Variants in REDIC1 observed in about 807,000 individuals in gnomAD.
The protein encoded by REDIC1 is HEI10 Interacting Protein 1.
At chr12:39,649,832 A>G in the REDIC1 span, among the ~76,000 whole-genome samples, 1 of 152,032 alleles carries the variant, frequency 6.6e-6, no homozygotes, top group Non-Finnish European at 1.5e-5. Flanking sequence ...TAAAGTAGCA[A>G]TCTAAAGTTA....
At chr12:39,819,292 A>T in the REDIC1 span, among the ~76,000 whole-genome samples, 1 of 152,016 alleles carries the variant, frequency 6.6e-6, no homozygotes, top group East Asian at 1.9e-4. Flanking sequence ...CGTTTGGAGA[A>T]TTTTTTTTCT....
At chr12:39,662,879 A>G in the REDIC1 span, among the ~76,000 whole-genome samples, 3 of 152,106 alleles carry the variant, frequency 2.0e-5, no homozygotes, top group Non-Finnish European at 4.4e-5. Context: ...ATTAATTGGT[A>G]GGATAATATG....
the REDIC1 span, among the ~76,000 whole-genome samples, chr12:39,658,652 TC>T: frequency 3.9e-5 from 6 of 152,218 alleles, no homozygotes; most frequent in Non-Finnish European, 8.8e-5. Context: ...ATTTTGTCCA[TC>T]CCTTTGCCTC....
chr12:39,702,613 C>T, the REDIC1 span, among the ~76,000 whole-genome samples: 26 of 152,144 alleles, frequency 1.7e-4, no homozygotes, highest in African/African-American at 5.3e-4. Flanking sequence ...ATACCAAAGC[C>T]GGGCAGAGAC....
the REDIC1 span, among the ~76,000 whole-genome samples, chr12:39,714,397 G>GTATA: frequency 2.7e-5 from 1 of 36,372 alleles, no homozygotes; most frequent in Non-Finnish European, 1.1e-4. Context: ...ATGTATATAT[G>GTATA]TATATATATG....
chr12:39,817,685 T>C, the REDIC1 span, among the ~76,000 whole-genome samples: 1 of 152,162 alleles, frequency 6.6e-6, no homozygotes, highest in African/African-American at 2.4e-5. Context: ...GTCATCTTAG[T>C]TTTTACATAC....
the REDIC1 span, among the ~76,000 whole-genome samples, chr12:39,843,978 A>T: frequency 6.6e-6 from 1 of 151,906 alleles, no homozygotes; most frequent in African/African-American, 2.4e-5. Context: ...TTGGTGACAC[A>T]CTCCACACGT....
At chr12:39,751,647 C>A in the REDIC1 span, among the ~76,000 whole-genome samples, 1 of 152,100 alleles carries the variant, frequency 6.6e-6, no homozygotes, top group Non-Finnish European at 1.5e-5. Context: ...GACTTGAAAC[C>A]AACCCAAATG....
At chr12:39,713,225 C>T in the REDIC1 span, among the ~76,000 whole-genome samples, 2 of 146,664 alleles carry the variant, frequency 1.4e-5, no homozygotes, top group Non-Finnish European at 3.0e-5. Context: ...TTATATTACA[C>T]ATATACGTGT....
the REDIC1 span, among the ~76,000 whole-genome samples, chr12:39,672,690 G>C: frequency 6.6e-6 from 1 of 152,122 alleles, no homozygotes; most frequent in Non-Finnish European, 1.5e-5. Context: ...TAGTGTGCAG[G>C]ACACTGTGGG....
the REDIC1 span, among the ~76,000 whole-genome samples, chr12:39,817,372 A>T: frequency 6.8e-6 from 1 of 146,108 alleles, no homozygotes. Flanking sequence ...GATCAGTTCC[A>T]TTACTGTTTC....
At chr12:39,628,987 CTG>C in the REDIC1 span, among the ~76,000 whole-genome samples, 1 of 152,058 alleles carries the variant, frequency 6.6e-6, no homozygotes, top group African/African-American at 2.4e-5. Flanking sequence ...CCATCCTATG[CTG>C]TATAGAAAGA....
chr12:39,848,550 A>G, the REDIC1 span, among the ~76,000 whole-genome samples: 1 of 152,176 alleles, frequency 6.6e-6, no homozygotes, highest in Non-Finnish European at 1.5e-5. Flanking sequence ...TGTGGAGAAA[A>G]GGGAATGCTA....
At chr12:39,700,449 T>G in the REDIC1 span, among the ~76,000 whole-genome samples, 1 of 152,128 alleles carries the variant, frequency 6.6e-6, no homozygotes, top group Non-Finnish European at 1.5e-5. Flanking sequence ...AAAGACCAAA[T>G]CTACATCTGA....
At chr12:39,767,583 T>C in the REDIC1 span, among the ~76,000 whole-genome samples, 1 of 152,172 alleles carries the variant, frequency 6.6e-6, no homozygotes, top group Non-Finnish European at 1.5e-5. Flanking sequence ...GAGTCCTGGA[T>C]GGTATCTTCT....
chr12:39,865,239 C>T, the REDIC1 span, among the ~76,000 whole-genome samples: 2,140 of 152,286 alleles, frequency 0.014, 29 homozygotes, highest in Non-Finnish European at 0.02. Flanking sequence ...CCTAACATAT[C>T]AAGAAGCACG....
the REDIC1 span, among the ~76,000 whole-genome samples, chr12:39,696,923 G>T: frequency 2.6e-5 from 4 of 152,112 alleles, no homozygotes; most frequent in Admixed American, 2.6e-4. Flanking sequence ...TATGCCTACA[G>T]GATCTAGAAA....
chr12:39,750,814 C>G, the REDIC1 span, among the ~76,000 whole-genome samples: 150 of 152,158 alleles, frequency 9.9e-4, 1 homozygote, highest in African/African-American at 3.2e-3. Context: ...AATGGGGAAA[C>G]GATTCCCTAT....
the REDIC1 span, among the ~76,000 whole-genome samples, chr12:39,803,350 A>C: frequency 2.6e-5 from 4 of 152,194 alleles, no homozygotes; most frequent in Admixed American, 6.5e-5. Context: ...ATCAGTAGCC[A>C]GTAGATGACA....
Sources: gnomAD v4.1 joint callset for allele counts (sites outside exome capture counted in the v4.1 genomes callset) on GRCh38, gnomAD v4.1.1 for gene constraint, MANE v1.5 for transcripts, NCBI Gene and HGNC (gene_info 2026-07-23, HGNC 2026-07-21) for gene names.